The following CIB3 variants were observed in gnomAD, a reference collection of about 807,000 sequenced individuals.
CIB3 encodes the protein calcium and integrin binding family member 3.
In CIB3, 22 loss-of-function variants were observed where a neutral mutation model predicts 23.4. The observed-to-expected ratio is 0.94, with a 90% CI of 0.67 to 1.34. CIB3 has a LOEUF of 1.34. Among genes scored for constraint, CIB3 ranks in the 40% most tolerant of loss-of-function variants. CIB3 has a pLI of 0.00. For missense variants in CIB3, 258 were observed against 247.3 expected (o/e 1.04, Z -0.29); for synonymous variants, 93 against 95.8 (o/e 0.97, Z 0.17).
At chr19:16,162,886 C>CTTTTTTTTTTTT (rs373689760) in intron 5 of CIB3, among the ~76,000 whole-genome samples, 2 of 102,442 alleles carry the variant, frequency 2.0e-5, no homozygotes, top group Non-Finnish European at 3.9e-5. Context: ...CTTTTCTTTT[C>CTTTTTTTTTTTT]TTTTTTTTTT....
intron 5 of CIB3, among the ~76,000 whole-genome samples, chr19:16,162,886 C>CTTTTTTTTTTTTTTTT (rs373689760): frequency 2.9e-5 from 3 of 102,444 alleles, no homozygotes; most frequent in Non-Finnish European, 3.9e-5. Context: ...CTTTTCTTTT[C>CTTTTTTTTTTTTTTTT]TTTTTTTTTT....
At chr19:16,167,784 A>G (rs1430442472) in intron 4 of CIB3, among the ~76,000 whole-genome samples, 1 of 152,184 alleles carries the variant, frequency 6.6e-6, no homozygotes, top group East Asian at 1.9e-4. Context: ...GTAAGCCAAG[A>G]TTGAGCCACT....
intron 5 of CIB3, among the ~76,000 whole-genome samples, chr19:16,162,554 C>T (rs1322100276): frequency 6.6e-6 from 1 of 152,084 alleles, no homozygotes; most frequent in Non-Finnish European, 1.5e-5. Context: ...GAGTTCAAGA[C>T]CAGCCTGGCC....
At chr19:16,166,701 T>C (rs2091306989) in intron 4 of CIB3, among the ~76,000 whole-genome samples, 5 of 152,210 alleles carry the variant, frequency 3.3e-5, no homozygotes, top group Admixed American at 3.3e-4. Context: ...AACTTTTTCA[T>C]TCATTCATTC....
intron 4 of CIB3, among the ~76,000 whole-genome samples, chr19:16,167,021 G>C (rs1029842471): frequency 1.3e-5 from 2 of 152,172 alleles, no homozygotes; most frequent in African/African-American, 2.4e-5. Context: ...TTCGAGACCA[G>C]TCTGGCCAAC....
chr19:16,169,426 G>A (rs1347123008), intron 3 of CIB3, among the ~76,000 whole-genome samples: 3 of 152,108 alleles, frequency 2.0e-5, no homozygotes, highest in Admixed American at 6.5e-5. Context: ...TTACAGGCTT[G>A]AGCCACCACA....
chr19:16,170,957 T>C (rs2091325585), intron 2 of CIB3, among the ~76,000 whole-genome samples: 1 of 151,690 alleles, frequency 6.6e-6, no homozygotes. Flanking sequence ...GCTAACATGG[T>C]GAAACCCCGT....
At chr19:16,164,250 A>G (rs1234515539) in intron 5 of CIB3, among the ~76,000 whole-genome samples, 1 of 152,154 alleles carries the variant, frequency 6.6e-6, no homozygotes, top group Non-Finnish European at 1.5e-5. Flanking sequence ...GCTGGGATTA[A>G]AGGCATGAAC....
intron 3 of CIB3, 84 bp from the exon 4 acceptor site, chr19:16,168,368 C>T (rs2145082834): frequency 1.3e-6 from 2 of 1,543,366 alleles, no homozygotes; most frequent in Non-Finnish European, 1.8e-6. Context: ...CAGCACCCAC[C>T]TTCTGGGAAC....
In CIB3 at chr19:16,164,848, C is replaced by G. The variant is rs753172078; in HGVS notation, c.412G>C (p.Gly138Arg). ...CTCACCTCCTCGGCACTCAGCCCCC[C>G]CCGCGTCAGTTTGGTCACCGTCTGC... is the stretch of plus-strand genomic sequence containing the variant. ...LEQTVTKLTRGGLSAEEVSLV... is the reference protein window; with the variant it reads ...LEQTVTKLTRRGLSAEEVSLV... The change falls in exon 5 of 6, where the codon GGG becomes CGG. Residue 138 changes from glycine (G) to arginine (R), a missense_variant. Gly to Arg is a moderately radical substitution (Grantham distance 125, BLOSUM62 -2). Coordinates refer to ENST00000269878, the MANE Select transcript of CIB3 (RefSeq NM_054113.4). The G allele has an allele frequency of 1.9e-5, 30 of 1,614,030 alleles. No individual in the cohort carries two copies. The highest frequency in any genetic ancestry group is 1.1e-4 in the South Asian group (10 of 91,080).
In CIB3 at chr19:16,164,850, C is replaced by A. The variant is rs112299653; in HGVS notation, c.410G>T (p.Arg137Leu). The stretch of plus-strand genomic sequence containing the variant: ...CACCTCCTCGGCACTCAGCCCCCCC[C>A]GCGTCAGTTTGGTCACCGTCTGCTC... ...DLEQTVTKLT[R>L]GGLSAEEVSL... Residue 137 changes from arginine (R) to leucine (L), a missense_variant, in exon 5 of 6, where the codon CGG becomes CTG. Physicochemically the swap from Arg to Leu is moderately radical, Grantham distance 102. Transcript: ENST00000269878. 6.2e-7 allele frequency: 1 copy of A among 1,614,042 alleles called. No homozygotes were observed.
chr19:16,169,511 T>C, intron 3 of CIB3, 119 bp downstream of exon 3: 1 of 910,800 alleles, frequency 1.1e-6, no homozygotes, highest in Non-Finnish European at 1.7e-6. Flanking sequence ...TCTTAACCTC[T>C]CTGAGTCTCA....
chr19:16,168,073 AC>A, intron 4 of CIB3, 63 bp downstream of exon 4: 1 of 1,512,596 alleles, frequency 6.6e-7, no homozygotes, highest in Middle Eastern at 2.3e-4. Context: ...TGTGGGTGCC[AC>A]CCACCCAGTT....
intron 2 of CIB3, 62 bp downstream of exon 2, chr19:16,173,100 C>T: frequency 6.4e-7 from 1 of 1,562,468 alleles, no homozygotes. Context: ...TTGCAAATAT[C>T]CTCCAGCAAT....
chr19:16,173,408 A>C lies in CIB3; in HGVS notation c.51+17T>G, dbSNP rs2091338912. The C allele has an allele frequency of 6.2e-7, 1 of 1,612,090 alleles. No homozygotes were observed. The highest frequency in any genetic ancestry group is 8.5e-7 in the Non-Finnish European group (1 of 1,178,298). ...AAGTTGTCAAACCCACTGAGGACCC[A>C]TCCTGCCCCCCTCTACCTGATACGC... is the stretch of plus-strand genomic sequence containing the variant. On this transcript the variant is annotated intron_variant, in intron 1 of 5. Coordinates refer to ENST00000269878, the MANE Select transcript of CIB3 (RefSeq NM_054113.4).
chr19:16,167,057 A>C (rs941393522), intron 4 of CIB3, among the ~76,000 whole-genome samples: 3 of 152,166 alleles, frequency 2.0e-5, no homozygotes, highest in Non-Finnish European at 4.4e-5. Flanking sequence ...CTCTACTAAA[A>C]ATACAAAAAA....
chr19:16,164,853 G>A lies in CIB3; in HGVS notation c.407C>T (p.Thr136Met), dbSNP rs552599873. 6.2e-5 allele frequency: 100 copies of A among 1,613,982 alleles called. No homozygotes were observed. The East Asian group carries it at 8.7e-4, about 14-fold the overall frequency. The part of the protein sequence containing the change: ...WDLEQTVTKL[T>M]RGGLSAEEVS... ...CTCCTCGGCACTCAGCCCCCCCCGC[G>A]TCAGTTTGGTCACCGTCTGCTCCAG... Residue 136 changes from threonine (T) to methionine (M), a missense_variant, in exon 5 of 6, where the codon ACG becomes ATG. By Grantham distance (81) the Thr-to-Met change is moderately conservative (BLOSUM62 -1). Coordinates refer to ENST00000269878, the MANE Select transcript of CIB3 (RefSeq NM_054113.4).
At chr19:16,165,007 A>G (rs966669322) in intron 4 of CIB3, 94 bp from the exon 5 acceptor site, 5 of 1,149,508 alleles carry the variant, frequency 4.3e-6, no homozygotes, top group Non-Finnish European at 3.9e-6. Flanking sequence ...AGAAGGGGAA[A>G]CTAAGGTCGG....
In CIB3 at chr19:16,164,847, C is replaced by A. The variant is rs532690999; in HGVS notation, c.413G>T (p.Gly138Val). ...GCTCACCTCCTCGGCACTCAGCCCC[C>A]CCCGCGTCAGTTTGGTCACCGTCTG... ...LEQTVTKLTR[G>V]GLSAEEVSLV... Residue 138 changes from glycine to valine, a missense_variant, in exon 5 of 6, where the codon GGG becomes GTG. By Grantham distance (109) the Gly-to-Val change is moderately radical. Transcript: ENST00000269878. The A allele has an allele frequency of 6.2e-7, 1 of 1,614,078 alleles. No individual in the cohort carries two copies. The highest frequency in any genetic ancestry group is 8.5e-7 in the Non-Finnish European group (1 of 1,180,020).
Sources: allele counts gnomAD v4.1 joint callset (sites outside exome capture counted in the v4.1 genomes callset), GRCh38; gene constraint gnomAD v4.1.1; transcripts MANE v1.5; gene names NCBI Gene and HGNC (gene_info 2026-07-23, HGNC 2026-07-21).